The following PDE10A variants were observed in gnomAD, a reference collection of about 807,000 sequenced individuals.
PDE10A encodes cAMP and cAMP-inhibited cGMP 3',5'-cyclic phosphodiesterase 10A.
PDE10A carries 39 observed loss-of-function variants against 97.7 expected under a neutral mutation model. The observed-to-expected ratio is 0.40, with a 90% confidence interval of 0.31 to 0.52. The LOEUF is 0.52. Among genes scored for constraint, PDE10A ranks in the 20% least tolerant of loss-of-function variants. PDE10A has a pLI of 0.56. For missense variants in PDE10A, 731 were observed against 1,047.8 expected, an observed-to-expected ratio of 0.70 and a Z score of 4.17; for synonymous variants, 371 against 376.8, an observed-to-expected ratio of 0.98 and a Z score of 0.18.
Position 165,437,189 on chromosome 6 carries a change from A to G in PDE10A, c.1195-1812T>C, listed in dbSNP as rs143850578. Among the ~76,000 whole-genome samples the G allele has an allele frequency of 3.2e-3, 482 of 152,246 alleles. 4 individuals carry two copies. The highest frequency in any genetic ancestry group is 0.011 in the African/African-American group (443 of 41,560). Reference sequence around the variant, plus strand: ...TTTTGCGGGGGGTGTGGAGGGAGTCATAGTTTTTGGCTGCATTTGTTTGTT... The same window carrying G: ...TTTTGCGGGGGGTGTGGAGGGAGTCGTAGTTTTTGGCTGCATTTGTTTGTT... On this transcript the variant is annotated intron_variant, in intron 5 of 21. Transcript: ENST00000539869.
chr6:165,359,593 T>A, intron 18 of PDE10A, among the ~76,000 whole-genome samples: 1 of 152,222 alleles, frequency 6.6e-6, no homozygotes, highest in East Asian at 1.9e-4. Context: ...AATTTTTGTT[T>A]AACACCTTGA....
chr6:165,430,648 G>A (rs1330000290), intron 8 of PDE10A, among the ~76,000 whole-genome samples: 1 of 152,090 alleles, frequency 6.6e-6, no homozygotes, highest in Non-Finnish European at 1.5e-5. Flanking sequence ...ATTAATAAGT[G>A]ATAGAAGCAG....
chr6:165,485,166 C>T (rs1162243701), intron 2 of PDE10A, among the ~76,000 whole-genome samples: 1 of 152,128 alleles, frequency 6.6e-6, no homozygotes, highest in East Asian at 1.9e-4. Flanking sequence ...GGAGACCAAG[C>T]ACCCTGCATT....
chr6:165,875,775 C>G (rs191848260), intron 1 of PDE10A, among the ~76,000 whole-genome samples: 1 of 132,314 alleles, frequency 7.6e-6, no homozygotes, highest in Non-Finnish European at 1.6e-5. Context: ...TGTTTTAACA[C>G]GGAGATATTT....
Position 165,450,276 on chromosome 6 carries a change from T to C in PDE10A, c.1110A>G (p.Leu370=), listed in dbSNP as rs1791190107. The C allele has an allele frequency of 6.2e-7, 1 of 1,604,616 alleles. No individual in the cohort carries two copies. Among genetic ancestry groups the C allele is most frequent in the Non-Finnish European group, 8.5e-7 (1 of 1,173,248 alleles). The part of the protein sequence containing the change: ...QRLDTGGDNQ[L]LLYELSSIIK... ...TGATGCTGCTCAGTTCATAGAGGAG[T>C]AGCTGGTTGTCTCCTCCTGTGTCCA... The change falls in exon 4 of 22, where the codon CTA becomes CTG. Residue 370 remains leucine (L), a synonymous_variant. Transcript: ENST00000539869.
intron 1 of PDE10A, among the ~76,000 whole-genome samples, chr6:165,642,051 G>T (rs1282114691): frequency 2.0e-5 from 3 of 152,108 alleles, no homozygotes; most frequent in Non-Finnish European, 4.4e-5. Context: ...ATTTCATCGG[G>T]GGTGTAACTT....
chr6:165,565,593 T>C (rs1583552208), intron 1 of PDE10A, among the ~76,000 whole-genome samples: 1 of 152,176 alleles, frequency 6.6e-6, no homozygotes, highest in African/African-American at 2.4e-5. Context: ...AAAGTTTATA[T>C]TGAGAGACAA....
intron 1 of PDE10A, among the ~76,000 whole-genome samples, chr6:165,786,161 G>T (rs944175141): frequency 5.9e-5 from 9 of 152,170 alleles, no homozygotes; most frequent in African/African-American, 2.2e-4. Flanking sequence ...CCTAATCTCA[G>T]CATTTAACAG....
In PDE10A at chr6:165,430,426, AT is replaced by A. The variant is rs1217575437; in HGVS notation, c.1543-82del. The A allele has an allele frequency of 2.8e-5, 23 of 832,150 alleles. No homozygotes were observed. The African/African-American group carries it at 3.3e-4, about 12-fold the overall frequency. 51.5% of individuals were successfully genotyped at this position (832,150 alleles called of 1,614,324 possible). On this transcript the variant is annotated intron_variant, in intron 8 of 21. Transcript: ENST00000539869. ...AAACTTCCAGAATACTAATTACCTT[AT>A]TTATTGAAAGAAGGCCTAACACAAT...
intron 1 of PDE10A, among the ~76,000 whole-genome samples, chr6:165,852,241 G>A (rs781376192): frequency 6.6e-6 from 1 of 152,334 alleles, no homozygotes; most frequent in South Asian, 2.1e-4. Flanking sequence ...CTTGAGGTTG[G>A]ATGGTTTGAT....
intron 1 of PDE10A, among the ~76,000 whole-genome samples, chr6:165,626,049 T>A (rs1788370773): frequency 6.6e-6 from 1 of 151,998 alleles, no homozygotes; most frequent in Non-Finnish European, 1.5e-5. Context: ...CATTTAGAGA[T>A]TGAGAGGATG....
intron 15 of PDE10A, among the ~76,000 whole-genome samples, chr6:165,394,178 A>G (rs1485787651): frequency 6.6e-6 from 1 of 152,020 alleles, no homozygotes; most frequent in Non-Finnish European, 1.5e-5. Context: ...TCAACCCTTC[A>G]TCTACATTTG....
chr6:165,919,269 T>C (rs1231796868), intron 1 of PDE10A, among the ~76,000 whole-genome samples: 1 of 152,200 alleles, frequency 6.6e-6, no homozygotes, highest in Non-Finnish European at 1.5e-5. Context: ...GCACTGTCTC[T>C]TGGGGCAGGG....
Sources: allele counts gnomAD v4.1 joint callset (sites outside exome capture counted in the v4.1 genomes callset), GRCh38; gene constraint gnomAD v4.1.1; transcripts MANE v1.5; gene names NCBI Gene and HGNC (gene_info 2026-07-23, HGNC 2026-07-21).